Variants in BMS1 observed in about 807,000 individuals in gnomAD.
BMS1 encodes BMS1 ribosome biogenesis factor.
BMS1 carries 53 observed loss-of-function variants against 138.7 expected under a neutral mutation model. The ratio of observed to expected loss-of-function variants is 0.38; its 90% CI spans 0.31 to 0.48. The LOEUF (loss-of-function observed/expected upper bound fraction) is 0.48, where lower values mean the gene tolerates loss of function less well. BMS1 is among the 20% of genes least tolerant of loss of function. The pLI, the probability that BMS1 is intolerant of heterozygous loss-of-function variation, is 0.97. For missense variants in BMS1, 1,360 were observed against 1,565.5 expected (o/e 0.87, Z 2.22); for synonymous variants, 504 against 539.9 (o/e 0.93, Z 0.92).
chr10:42,803,627 G>A (rs969455646), intron 13 of BMS1, among the ~76,000 whole-genome samples: 13 of 151,848 alleles, frequency 8.6e-5, no homozygotes, highest in African/African-American at 2.9e-4. Flanking sequence ...TCTGCTGGGG[G>A]GCTTCTTTTA....
Position 42,834,263 on chromosome 10 carries a change from A to G in BMS1, c.*3167A>G, listed in dbSNP as rs575994375. The G allele has an allele frequency of 1.2e-4, 19 of 152,066 alleles. No homozygotes were observed. In the East Asian group the frequency reaches 3.5e-3, roughly 28 times the overall value. 9.4% of individuals were successfully genotyped at this position (152,066 alleles called of 1,614,324 possible). A position where few individuals can be genotyped will look rare whatever the true frequency, so the allele number is the denominator to read the frequency against. On this transcript the variant is annotated 3_prime_UTR_variant, in exon 23 of 23. Transcript: ENST00000374518. ...TAGATTGTTTTCTTTTTTTAACAAA[A>G]CCTGTGAACTTGCTTTAAGTATTAT... is the stretch of plus-strand genomic sequence containing the variant.
intron 11 of BMS1, 143 bp from the exon 12 acceptor site, chr10:42,798,325 T>A (rs2132322137): frequency 1.0e-6 from 1 of 971,888 alleles, no homozygotes; most frequent in East Asian, 2.6e-5. Context: ...TGCCTAACTC[T>A]TATGTGGCCA....
chr10:42,790,090 G>A (rs1393634028), intron 4 of BMS1, among the ~76,000 whole-genome samples: 1 of 152,212 alleles, frequency 6.6e-6, no homozygotes, highest in Non-Finnish European at 1.5e-5. Flanking sequence ...GGGCCAGGTA[G>A]TAGATATTTT....
intron 15 of BMS1, 97 bp from the exon 16 acceptor site, chr10:42,820,139 C>T: frequency 6.9e-7 from 1 of 1,443,132 alleles, no homozygotes; most frequent in Non-Finnish European, 9.4e-7. Context: ...ATTCTGTCCA[C>T]AGTTCCTTTA....
chr10:42,809,627 A>G (rs1463927653), intron 13 of BMS1, among the ~76,000 whole-genome samples: 1 of 152,140 alleles, frequency 6.6e-6, no homozygotes, highest in Non-Finnish European at 1.5e-5. Context: ...GTGGAGTAAG[A>G]GTGCTGAGAG....
chr10:42,791,378 C>T (rs187087410), intron 5 of BMS1, among the ~76,000 whole-genome samples: 1 of 152,236 alleles, frequency 6.6e-6, no homozygotes, highest in Non-Finnish European at 1.5e-5. Context: ...CGTTTCTGTG[C>T]TCAGACGCCT....
intron 13 of BMS1, among the ~76,000 whole-genome samples, chr10:42,810,896 T>G (rs1014781924): frequency 2.0e-5 from 3 of 152,100 alleles, no homozygotes; most frequent in African/African-American, 7.2e-5. Flanking sequence ...TTATTCGTGA[T>G]GTTGTTGGTT....
At chr10:42,787,404 T>C (rs1411446090) in intron 4 of BMS1, among the ~76,000 whole-genome samples, 157 bp downstream of exon 4, 2 of 152,198 alleles carry the variant, frequency 1.3e-5, no homozygotes, top group East Asian at 1.9e-4. Flanking sequence ...ATGATAATTA[T>C]GGTAATAAAT....
chr10:42,827,455 T>C (rs1049262898), intron 21 of BMS1, among the ~76,000 whole-genome samples: 2 of 152,068 alleles, frequency 1.3e-5, no homozygotes, highest in African/African-American at 2.4e-5. Flanking sequence ...AAGAAGGGTG[T>C]GGTGGCTGCT....
chr10:42,815,566 A>C (rs1842325357), intron 13 of BMS1, among the ~76,000 whole-genome samples: 1 of 151,768 alleles, frequency 6.6e-6, no homozygotes, highest in African/African-American at 2.4e-5. Flanking sequence ...TATTTCTTTT[A>C]TTTTCCTTTT....
intron 2 of BMS1, among the ~76,000 whole-genome samples, chr10:42,785,245 G>A (rs1841290410): frequency 6.6e-6 from 1 of 152,138 alleles, no homozygotes; most frequent in Non-Finnish European, 1.5e-5. Context: ...TAGTATTGAA[G>A]TCATCTTGTT....
chr10:42,814,037 C>T (rs1268275122), intron 13 of BMS1, among the ~76,000 whole-genome samples: 1 of 151,996 alleles, frequency 6.6e-6, no homozygotes, highest in Non-Finnish European at 1.5e-5. Flanking sequence ...AGGCATTCTG[C>T]CATTTTTGGT....
chr10:42,813,780 G>T (rs1322284088), intron 13 of BMS1, among the ~76,000 whole-genome samples: 1 of 151,974 alleles, frequency 6.6e-6, no homozygotes, highest in Non-Finnish European at 1.5e-5. Flanking sequence ...TATTTCTGTA[G>T]CCACTTTTTA....
Position 42,830,384 on chromosome 10 carries a change from C to T in BMS1, c.3580C>T (p.Arg1194Trp), listed in dbSNP as rs200894282. Residue 1194 changes from arginine to tryptophan, a missense_variant, in exon 22 of 23, where the codon CGG becomes TGG. Transcript: ENST00000374518. ...AKAGKVPKDR[R>W]RPAVIREPHE... ...GGCAGGCAAGGTGCCAAAGGACAGG[C>T]GGAGACCGGCCGTCATACGCGAGCC... is the stretch of plus-strand genomic sequence containing the variant. 2.8e-5 allele frequency: 45 copies of T among 1,612,820 alleles called. No homozygotes were observed. The highest frequency in any genetic ancestry group is 6.7e-5 in the East Asian group (3 of 44,856).
chr10:42,802,183 A>AT lies in BMS1; in HGVS notation c.2295dup (p.Asp766Ter). 10 of 1,613,694 alleles carry AT rather than the reference A, an allele frequency of 6.2e-6. No homozygotes were observed. Among genetic ancestry groups the AT allele is most frequent in the Non-Finnish European group, 8.5e-6 (10 of 1,179,758 alleles). On this transcript the variant is annotated frameshift_variant, in exon 13 of 23. Coordinates refer to ENST00000374518, the MANE Select transcript of BMS1 (RefSeq NM_014753.4). LOFTEE classifies it high-confidence loss of function. ...TGCTTCGTGACTGGAAAGTGGGAAG[A>AT]TGATAAAGATGCAGCCAAGGTCTTA...
rs779075119 is a variant in BMS1 at position 42,785,560 on chromosome 10, A to C, written c.255A>C (p.Val85=). ...CACTAGAGCCCCCACCAATAGTGGT[A>C]GTGGTGATGGGACCTCCAAAAGTTG... ...RTPLEPPPIV[V]VVMGPPKVGK... The change falls in exon 3 of 23, where the codon GTA becomes GTC. Residue 85 remains valine (V), a synonymous_variant. Transcript: ENST00000374518. The C allele has an allele frequency of 1.9e-6, 3 of 1,613,972 alleles. No homozygotes were observed. Among genetic ancestry groups the C allele is most frequent in the Non-Finnish European group, 2.5e-6 (3 of 1,179,852 alleles).
Position 42,793,007 on chromosome 10 carries a change from G to T in BMS1, c.952G>T (p.Ala318Ser). ...CATCAGTTTCCTCCCAGACCCTTGC[G>T]CTCTTCCTGAACAACAAAAGAAGCG... is the stretch of plus-strand genomic sequence containing the variant. ...SDISFLPDPC[A>S]LPEQQKKRCL... The change falls in exon 8 of 23, where the codon GCT becomes TCT. Residue 318 changes from alanine to serine, a missense_variant. This residue lies in a region of BMS1 where 697 missense variants were observed against 686.2 expected (regional missense o/e 1.02). Coordinates refer to ENST00000374518, the MANE Select transcript of BMS1 (RefSeq NM_014753.4). The T allele has an allele frequency of 1.9e-6, 3 of 1,614,002 alleles. No individual in the cohort carries two copies. Among genetic ancestry groups the T allele is most frequent in the Non-Finnish European group, 1.7e-6 (2 of 1,179,956 alleles).
intron 21 of BMS1, among the ~76,000 whole-genome samples, chr10:42,827,106 A>C (rs1164157336): frequency 6.6e-6 from 1 of 152,046 alleles, no homozygotes; most frequent in East Asian, 1.9e-4. Context: ...TGGATTAGTT[A>C]CCAGGAGTGG....
At chr10:42,792,169 C>T (rs781603910) in intron 6 of BMS1, among the ~76,000 whole-genome samples, 1 of 152,124 alleles carries the variant, frequency 6.6e-6, no homozygotes, top group African/African-American at 2.4e-5. Context: ...ATCCAAGCCA[C>T]AGTAAAAATC....
Sources: gnomAD v4.1 joint callset for allele counts (sites outside exome capture counted in the v4.1 genomes callset) on GRCh38, gnomAD v4.1.1 for gene constraint, gnomAD v4.1.1 regional missense constraint, MANE v1.5 for transcripts, NCBI Gene and HGNC (gene_info 2026-07-23, HGNC 2026-07-21) for gene names.